The following NLGN4X variants were observed in gnomAD, a reference collection of about 807,000 sequenced individuals.
NLGN4X encodes the protein neuroligin-4, X-linked.
NLGN4X carries 3 observed loss-of-function variants against 40.3 expected under a neutral mutation model. The ratio of observed to expected loss-of-function variants is 0.07; its 90% CI spans 0.03 to 0.19. The LOEUF (loss-of-function observed/expected upper bound fraction) is 0.19. Ranked by LOEUF, NLGN4X falls within the 10% of genes least tolerant of loss-of-function variation. The pLI, the probability that NLGN4X is intolerant of heterozygous loss-of-function variation, is 1.00. For synonymous variants in NLGN4X, 270 were observed against 306.8 expected (o/e 0.88, Z 1.25); for missense variants, 382 against 708.3 (o/e 0.54, Z 5.23).
intron 2 of NLGN4X, among the ~76,000 whole-genome samples, chrX:6,036,938 T>C (rs2037028565): frequency 8.9e-6 from 1 of 111,816 alleles, no homozygotes; most frequent in Non-Finnish European, 1.9e-5. Flanking sequence ...CATTTAGTGC[T>C]TTATCTATGT....
intron 2 of NLGN4X, among the ~76,000 whole-genome samples, chrX:6,107,736 T>TGTTTCCATCTTTATATCCATGTGTACCCA (rs1247488656): frequency 1.8e-5 from 2 of 111,631 alleles, no homozygotes; most frequent in Non-Finnish European, 3.8e-5. Context: ...CAGTGTTGAT[T>TGTTTCCATCTTTATATCCATGTGTACCCA]GTTTCCATCT....
At chrX:5,911,404 A>T (rs1209068184) in intron 3 of NLGN4X, among the ~76,000 whole-genome samples, 4 of 112,045 alleles carry the variant, frequency 3.6e-5, no homozygotes, top group Non-Finnish European at 7.5e-5. Flanking sequence ...TTCCAAAAGC[A>T]GGCTAATGAA....
At chrX:6,217,722 T>C (rs1443856557) in intron 1 of NLGN4X, among the ~76,000 whole-genome samples, 1 of 111,685 alleles carries the variant, frequency 9.0e-6, no homozygotes, top group Non-Finnish European at 1.9e-5. Flanking sequence ...TGTGTCTGCT[T>C]TATGTTTTCA....
chrX:6,173,553 C>T (rs1017403638), intron 1 of NLGN4X, among the ~76,000 whole-genome samples: 1 of 112,137 alleles, frequency 8.9e-6, no homozygotes, highest in African/African-American at 3.2e-5. Context: ...TCCTAAGACC[C>T]CCCATTCCAC....
At chrX:6,166,571 G>A (rs1214316329) in intron 1 of NLGN4X, among the ~76,000 whole-genome samples, 6 of 111,822 alleles carry the variant, frequency 5.4e-5, no homozygotes, top group African/African-American at 1.6e-4. Flanking sequence ...GTGCACAGCT[G>A]AGAATCCTTG....
intron 3 of NLGN4X, among the ~76,000 whole-genome samples, chrX:6,016,293 T>C (rs1399489950): frequency 8.9e-6 from 1 of 112,123 alleles, no homozygotes; most frequent in Admixed American, 9.5e-5. Flanking sequence ...ACTGCCCTGG[T>C]TTAAGCTGGT....
chrX:6,158,330 C>T (rs1312457439), intron 1 of NLGN4X, among the ~76,000 whole-genome samples: 3 of 111,626 alleles, frequency 2.7e-5, no homozygotes, highest in African/African-American at 9.8e-5. Flanking sequence ...TGCTTCCATG[C>T]TTTTGTTTCA....
chrX:6,169,042 G>T (rs1311474867), intron 1 of NLGN4X, among the ~76,000 whole-genome samples: 2 of 111,936 alleles, frequency 1.8e-5, no homozygotes, highest in African/African-American at 6.5e-5. Context: ...TCTCTCAGAG[G>T]GTCCCTTCTT....
At chrX:5,957,137 T>C (rs753033655) in intron 3 of NLGN4X, among the ~76,000 whole-genome samples, 1 of 112,067 alleles carries the variant, frequency 8.9e-6, no homozygotes, top group Non-Finnish European at 1.9e-5. Context: ...ACTAACATCC[T>C]TGGGAATCCC....
chrX:6,149,267 C>T (rs7061855), intron 2 of NLGN4X, among the ~76,000 whole-genome samples: 11 of 111,914 alleles, frequency 9.8e-5, no homozygotes, highest in African/African-American at 3.6e-4. Flanking sequence ...TGGTCTCATT[C>T]TGTCCAACTC....
intron 3 of NLGN4X, among the ~76,000 whole-genome samples, chrX:5,985,154 C>T (rs1211388515): frequency 8.9e-6 from 1 of 111,825 alleles, no homozygotes; most frequent in Non-Finnish European, 1.9e-5. Flanking sequence ...TATTAAGGAT[C>T]TGTGTTGTAA....
intron 2 of NLGN4X, among the ~76,000 whole-genome samples, chrX:6,056,998 A>G (rs191059822): frequency 8.9e-6 from 1 of 112,029 alleles, no homozygotes; most frequent in African/African-American, 3.2e-5. Flanking sequence ...GAAAATTTTT[A>G]ATTATTCAGA....
At chrX:6,129,938 TG>T (rs1054066282) in intron 2 of NLGN4X, among the ~76,000 whole-genome samples, 2 of 107,117 alleles carry the variant, frequency 1.9e-5, no homozygotes, top group Non-Finnish European at 3.9e-5. Context: ...CAGGCTGGAG[TG>T]CAGTGATGTG....
intron 3 of NLGN4X, among the ~76,000 whole-genome samples, chrX:5,918,389 T>C (rs1050652433): frequency 8.9e-6 from 1 of 112,086 alleles, no homozygotes; most frequent in Non-Finnish European, 1.9e-5. Context: ...GAAAAAGTAA[T>C]GCACATATAT....
At chrX:5,983,443 T>TTATTCCC (rs2035447210) in intron 3 of NLGN4X, among the ~76,000 whole-genome samples, 1 of 111,256 alleles carries the variant, frequency 9.0e-6, no homozygotes, top group South Asian at 3.7e-4. Context: ...AAACAAAAAG[T>TTATTCCC]TGGAAAACAT....
chrX:5,950,585 C>CA (rs1384717432), intron 3 of NLGN4X, among the ~76,000 whole-genome samples: 5 of 111,758 alleles, frequency 4.5e-5, no homozygotes, highest in African/African-American at 1.6e-4. Flanking sequence ...TAATATGTGT[C>CA]ATATAATAGT....
intron 2 of NLGN4X, among the ~76,000 whole-genome samples, chrX:6,136,263 G>C (rs1361162484): frequency 1.8e-5 from 2 of 112,399 alleles, no homozygotes; most frequent in South Asian, 3.7e-4. Flanking sequence ...TGCCACATTA[G>C]TTATTGACTG....
intron 3 of NLGN4X, among the ~76,000 whole-genome samples, chrX:5,929,460 A>G (rs1025049844): frequency 9.0e-6 from 1 of 111,669 alleles, no homozygotes; most frequent in African/African-American, 3.2e-5. Flanking sequence ...TCTGTCACAC[A>G]CACACACATA....
At chrX:5,957,911 T>A (rs939461271) in intron 3 of NLGN4X, among the ~76,000 whole-genome samples, 1 of 112,575 alleles carries the variant, frequency 8.9e-6, no homozygotes, top group Non-Finnish European at 1.9e-5. Context: ...TTTTTCCCTA[T>A]TGTGTAGGAA....
Sources: allele counts gnomAD v4.1 joint callset (sites outside exome capture counted in the v4.1 genomes callset), GRCh38; gene constraint gnomAD v4.1.1; transcripts MANE v1.5; gene names NCBI Gene and HGNC (gene_info 2026-07-23, HGNC 2026-07-21).